RAI14: variants seen among roughly 807,000 people sequenced by gnomAD.
RAI14 encodes ankycorbin.
Under a neutral mutation model 115.4 loss-of-function variants are expected in RAI14, and 45 were observed. That is an observed-to-expected ratio of 0.39 (90% CI 0.31 to 0.50). RAI14 has a LOEUF of 0.50. Ranked by LOEUF, RAI14 falls within the 20% of genes least tolerant of loss-of-function variation. The pLI, the probability that RAI14 is intolerant of heterozygous loss-of-function variation, is 0.85. For synonymous variants in RAI14, 371 were observed against 415.4 expected (o/e 0.89, Z 1.30); for missense variants, 939 against 1,131.2 (o/e 0.83, Z 2.44).
intron 8 of RAI14, among the ~76,000 whole-genome samples, chr5:34,811,458 T>G (rs1328438073): frequency 1.3e-5 from 2 of 152,178 alleles, no homozygotes; most frequent in Non-Finnish European, 2.9e-5. Flanking sequence ...TTTAAAATGC[T>G]TGAGGTAAAA....
intron 1 of RAI14, among the ~76,000 whole-genome samples, chr5:34,686,127 A>G (rs1179001285): frequency 6.6e-6 from 1 of 152,210 alleles, no homozygotes; most frequent in East Asian, 1.9e-4. Flanking sequence ...ATCACTTTTC[A>G]CAAGGAGGTG....
intron 2 of RAI14, among the ~76,000 whole-genome samples, chr5:34,689,019 G>A (rs749171623): frequency 6.6e-6 from 1 of 152,102 alleles, no homozygotes; most frequent in Non-Finnish European, 1.5e-5. Context: ...AGAACTTTAC[G>A]TTCTAGAACC....
intron 4 of RAI14, among the ~76,000 whole-genome samples, chr5:34,800,145 A>T (rs1476546032): frequency 6.6e-6 from 1 of 152,172 alleles, no homozygotes; most frequent in Admixed American, 6.5e-5. Context: ...TTAGATTGAT[A>T]CTACTTAATT....
chr5:34,809,042 G>A (rs1755269970), intron 7 of RAI14, among the ~76,000 whole-genome samples: 1 of 152,166 alleles, frequency 6.6e-6, no homozygotes, highest in Non-Finnish European at 1.5e-5. Context: ...CCTGGGTTGG[G>A]TACTCCTGTT....
intron 2 of RAI14, chr5:34,757,183 T>C: frequency 2.1e-6 from 1 of 468,646 alleles, no homozygotes; most frequent in Non-Finnish European, 4.2e-6. Flanking sequence ...TTGAGGTCTT[T>C]TTACGTTGCT....
chr5:34,678,099 G>T (rs945897000), intron 1 of RAI14, among the ~76,000 whole-genome samples: 19 of 123,712 alleles, frequency 1.5e-4, no homozygotes, highest in African/African-American at 4.8e-4. Context: ...ATTTTGTTTT[G>T]TTTTGTTTTT....
At chr5:34,803,866 A>G in intron 5 of RAI14, 90 bp downstream of exon 5, 1 of 1,153,668 alleles carries the variant, frequency 8.7e-7, no homozygotes, top group Non-Finnish European at 1.3e-6. Flanking sequence ...CACCCTCCAT[A>G]CACACTCCTT....
chr5:34,713,046 A>G, intron 2 of RAI14, among the ~76,000 whole-genome samples: 1 of 152,140 alleles, frequency 6.6e-6, no homozygotes. Context: ...GAAAACAAAC[A>G]CTTTTTATGG....
chr5:34,675,520 A>C (rs1743915911), intron 1 of RAI14, among the ~76,000 whole-genome samples: 2 of 152,240 alleles, frequency 1.3e-5, no homozygotes, highest in African/African-American at 2.4e-5. Flanking sequence ...TGGGAGGCAC[A>C]GGCCGGAGGA....
chr5:34,744,048 A>G lies in RAI14; in HGVS notation c.37-13420A>G, dbSNP rs144574007. On this transcript the variant is annotated intron_variant, in intron 2 of 17. Coordinates refer to ENST00000265109, the MANE Select transcript of RAI14 (RefSeq NM_015577.3). The stretch of plus-strand genomic sequence containing the variant: ...CATTTTGTCTGGATACTTCATGTGA[A>G]ATGTGTAATGTATCGCTTGGGTGAA... Among the ~76,000 whole-genome samples, 487 of 152,294 alleles carry G rather than the reference A, an allele frequency of 3.2e-3. 3 individuals are homozygous for G. The highest frequency in any genetic ancestry group is 0.011 in the African/African-American group (465 of 41,566).
intron 2 of RAI14, chr5:34,687,982 T>C: frequency 1.7e-6 from 2 of 1,167,408 alleles, no homozygotes; most frequent in South Asian, 1.7e-5. Flanking sequence ...GAGATGCTTA[T>C]GGGATGATGG....
chr5:34,754,624 T>C (rs528592623), intron 2 of RAI14, among the ~76,000 whole-genome samples: 25 of 152,196 alleles, frequency 1.6e-4, no homozygotes, highest in African/African-American at 6.0e-4. Flanking sequence ...TTATTGAAGA[T>C]TTGCTTGTGT....
chr5:34,786,695 G>A (rs1752340948), intron 3 of RAI14, among the ~76,000 whole-genome samples: 1 of 152,124 alleles, frequency 6.6e-6, no homozygotes, highest in African/African-American at 2.4e-5. Flanking sequence ...TCCAACTGTT[G>A]CTCTGGCGAC....
chr5:34,757,422 G>T, intron 2 of RAI14, 46 bp from the exon 3 acceptor site: 1 of 1,604,568 alleles, frequency 6.2e-7, no homozygotes. Context: ...CAGTGCGGCT[G>T]TGGCCAGTGT....
intron 1 of RAI14, among the ~76,000 whole-genome samples, chr5:34,674,840 C>T (rs551376557): frequency 1.4e-4 from 21 of 151,862 alleles, no homozygotes; most frequent in Admixed American, 3.3e-4. Context: ...CCGCCCATCT[C>T]GGGCTTCCAA....
Position 34,823,285 on chromosome 5 carries a change from C to A in RAI14, c.1443C>A (p.Leu481=). 1 of 1,613,960 alleles carries A rather than the reference C, an allele frequency of 6.2e-7. No individual in the cohort carries two copies. Among genetic ancestry groups the A allele is most frequent in the Non-Finnish European group, 8.5e-7 (1 of 1,179,966 alleles). The change falls in exon 15 of 18, where the codon CTC becomes CTA. Residue 481 remains leucine, a synonymous_variant. Transcript: ENST00000265109. This position sits in a 1 kb window ranked among gnomAD's most constrained non-coding sequence, Gnocchi z 4.5. ...AGATTTCAGAGAACAGCTCTGACCT[C>A]AGCCAGAAACTTAAAGAAACTCAGA... ...NTEISENSSD[L]SQKLKETQSK...
intron 1 of RAI14, among the ~76,000 whole-genome samples, chr5:34,669,803 C>T (rs762876653): frequency 3.9e-5 from 6 of 152,182 alleles, no homozygotes; most frequent in African/African-American, 7.2e-5. Flanking sequence ...AGTATCTAAA[C>T]GTTCTGCTTT....
chr5:34,741,136 T>C (rs1745463910), intron 2 of RAI14, among the ~76,000 whole-genome samples: 1 of 152,250 alleles, frequency 6.6e-6, no homozygotes, highest in African/African-American at 2.4e-5. Context: ...GAAAAAATTC[T>C]ATTTTAATGG....
chr5:34,726,949 G>A (rs1743546205), intron 2 of RAI14, among the ~76,000 whole-genome samples: 2 of 152,210 alleles, frequency 1.3e-5, no homozygotes, highest in Admixed American at 1.3e-4. Context: ...TGCAGAGAAT[G>A]AGGTACAGCT....
Sources: gnomAD v4.1 joint callset for allele counts (sites outside exome capture counted in the v4.1 genomes callset) on GRCh38, gnomAD v4.1.1 for gene constraint, Gnocchi (gnomAD v3.1) non-coding constraint, MANE v1.5 for transcripts, NCBI Gene and HGNC (gene_info 2026-07-23, HGNC 2026-07-21) for gene names.